MACROD2: variants seen among roughly 807,000 people sequenced by gnomAD.
The protein encoded by MACROD2 is mono-ADP ribosylhydrolase 2, also known as ADP-ribose glycohydrolase MACROD2.
In MACROD2, 36 loss-of-function variants were observed where a neutral mutation model predicts 70.4. The observed-to-expected ratio is 0.51, with a 90% CI of 0.39 to 0.68. The LOEUF (loss-of-function observed/expected upper bound fraction) is 0.68. Ranked by LOEUF, MACROD2 falls within the 30% of genes least tolerant of loss-of-function variation. The probability of loss-of-function intolerance (pLI) is 0.00; values close to 1 mark genes in which losing one functional copy is unlikely to be tolerated. For synonymous variants in MACROD2, 172 were observed against 178.8 expected (o/e 0.96, Z 0.30); for missense variants, 496 against 538.4 (o/e 0.92, Z 0.78).
chr20:14,181,355 A>G (rs535329804), intron 3 of MACROD2, among the ~76,000 whole-genome samples: 1 of 152,196 alleles, frequency 6.6e-6, no homozygotes, highest in Non-Finnish European at 1.5e-5. Context: ...GGTGTGAGCC[A>G]CTGTGCCTGG....
intron 5 of MACROD2, among the ~76,000 whole-genome samples, chr20:14,808,851 A>G (rs989041528): frequency 1.3e-5 from 2 of 152,140 alleles, no homozygotes; most frequent in African/African-American, 2.4e-5. Context: ...AGGGCATTAC[A>G]TAATGGTAAA....
At chr20:14,544,037 G>C (rs999689690) in intron 4 of MACROD2, among the ~76,000 whole-genome samples, 1 of 152,086 alleles carries the variant, frequency 6.6e-6, no homozygotes, top group Admixed American at 6.6e-5. Flanking sequence ...CATTATCCCT[G>C]CTCTAAAGGA....
chr20:14,333,595 C>T (rs2082882293), intron 3 of MACROD2, among the ~76,000 whole-genome samples: 1 of 152,090 alleles, frequency 6.6e-6, no homozygotes, highest in Non-Finnish European at 1.5e-5. Flanking sequence ...TTTTGTTAAA[C>T]CACGTTTTAC....
intron 6 of MACROD2, among the ~76,000 whole-genome samples, chr20:15,323,798 A>G (rs1287959426): frequency 2.2e-4 from 34 of 151,942 alleles, no homozygotes; most frequent in Non-Finnish European, 8.8e-5. Flanking sequence ...CTATGTCCCT[A>G]AGTTGTATCC....
rs577261200 is a variant in MACROD2, at chr20:15,705,433, T to C, written c.646-157312T>C. ...TTTTTATTGTGCCCCAAAGCATTTT[T>C]TTTTTAAATGGAGTCTCACTCTGTC... On this transcript the variant is annotated intron_variant, in intron 8 of 17. Coordinates refer to ENST00000684519, the MANE Select transcript of MACROD2 (RefSeq NM_001351661.2). Among the ~76,000 whole-genome samples the C allele has an allele frequency of 1.4e-4, 21 of 152,342 alleles. No individual in the cohort carries two copies. The South Asian group carries it at 3.7e-3, about 27-fold the overall frequency.
At chr20:14,477,292 T>C (rs572072404) in intron 3 of MACROD2, among the ~76,000 whole-genome samples, 1 of 152,280 alleles carries the variant, frequency 6.6e-6, no homozygotes, top group African/African-American at 2.4e-5. Context: ...GATGACTCTC[T>C]GGGCACTGGG....
chr20:14,401,474 T>C (rs965133325), intron 3 of MACROD2, among the ~76,000 whole-genome samples: 5 of 152,184 alleles, frequency 3.3e-5, no homozygotes, highest in African/African-American at 1.2e-4. Flanking sequence ...TTTACATAAA[T>C]AAATAAATAG....
At chr20:15,446,242 T>A (rs1350095947) in intron 7 of MACROD2, among the ~76,000 whole-genome samples, 3 of 152,096 alleles carry the variant, frequency 2.0e-5, no homozygotes, top group Non-Finnish European at 2.9e-5. Flanking sequence ...ACTGACTGAA[T>A]ATAGAAAATA....
intron 8 of MACROD2, among the ~76,000 whole-genome samples, chr20:15,545,326 A>C (rs1232181523): frequency 1.3e-5 from 2 of 152,212 alleles, no homozygotes; most frequent in African/African-American, 4.8e-5. Context: ...TTAAGCTGCA[A>C]ATCACTGGTT....
intron 3 of MACROD2, among the ~76,000 whole-genome samples, chr20:14,239,397 C>T (rs975097304): frequency 6.6e-6 from 1 of 152,112 alleles, no homozygotes; most frequent in Non-Finnish European, 1.5e-5. Flanking sequence ...GGAACAACAA[C>T]AAAAAGCTTC....
intron 10 of MACROD2, among the ~76,000 whole-genome samples, chr20:15,920,560 C>T (rs927204004): frequency 1.3e-5 from 2 of 151,854 alleles, no homozygotes; most frequent in Admixed American, 6.6e-5. Flanking sequence ...ATTAAAAGAC[C>T]TCTGTTGCAT....
intron 6 of MACROD2, among the ~76,000 whole-genome samples, chr20:15,237,613 A>C (rs374153425): frequency 2.0e-5 from 3 of 152,182 alleles, no homozygotes; most frequent in African/African-American, 4.8e-5. Flanking sequence ...AGGTGATGAC[A>C]GGGAACAGCG....
At chr20:15,381,847 A>G (rs559474247) in intron 6 of MACROD2, among the ~76,000 whole-genome samples, 1 of 152,130 alleles carries the variant, frequency 6.6e-6, no homozygotes, top group Non-Finnish European at 1.5e-5. Context: ...GTGAATTTAG[A>G]TCCTCTAAAA....
chr20:16,009,671 C>T lies in MACROD2; in HGVS notation c.1153+22513C>T, dbSNP rs1252733691. 2.0e-5 allele frequency among the ~76,000 whole-genome samples: 3 copies of T among 152,142 alleles called. No homozygotes were observed. The East Asian group carries it at 5.8e-4, about 29-fold the overall frequency. ...ACTCGAGAGGCTGAGGCAGGAGAAT[C>T]ACTTGAACCTGGGAGGTGGAGGTTG... On this transcript the variant is annotated intron_variant, in intron 15 of 17. Transcript: ENST00000684519.
chr20:15,722,554 A>G (rs1600807434), intron 8 of MACROD2, among the ~76,000 whole-genome samples: 1 of 151,982 alleles, frequency 6.6e-6, no homozygotes, highest in Admixed American at 6.6e-5. Context: ...TCTTTGATCC[A>G]TTTTCCCCCT....
intron 8 of MACROD2, among the ~76,000 whole-genome samples, chr20:15,507,660 C>T (rs1320059285): frequency 6.6e-6 from 1 of 152,130 alleles, no homozygotes; most frequent in East Asian, 1.9e-4. Context: ...GGCAGCTTCT[C>T]CCCTTCTGAT....
At chr20:14,977,561 T>G (rs2074752815) in intron 5 of MACROD2, among the ~76,000 whole-genome samples, 1 of 151,474 alleles carries the variant, frequency 6.6e-6, no homozygotes, top group African/African-American at 2.4e-5. Flanking sequence ...CTTGGGTAAG[T>G]CACATATCCT....
At chr20:14,367,512 A>C (rs1314677386) in intron 3 of MACROD2, among the ~76,000 whole-genome samples, 2 of 152,274 alleles carry the variant, frequency 1.3e-5, no homozygotes, top group Non-Finnish European at 2.9e-5. Context: ...GAACTGTCTT[A>C]ATGTTTCCTG....
At chr20:15,088,398 TATATATATATATATA>T (rs1219170605) in intron 5 of MACROD2, among the ~76,000 whole-genome samples, 1 of 6,800 alleles carries the variant, frequency 1.5e-4, no homozygotes, top group East Asian at 1.6e-3. Flanking sequence ...TACTATATTT[TATATATATATATATA>T]TATATATATA....
Sources: allele counts gnomAD v4.1 joint callset (sites outside exome capture counted in the v4.1 genomes callset), GRCh38; gene constraint gnomAD v4.1.1; transcripts MANE v1.5; gene names NCBI Gene and HGNC (gene_info 2026-07-23, HGNC 2026-07-21).